Variants in PRRT1B observed in about 807,000 individuals in gnomAD.
The protein encoded by PRRT1B is proline rich transmembrane protein 1B.
chr9:131,555,375 T>A (rs1358854857), intron 2 of PRRT1B, among the ~76,000 whole-genome samples: 1 of 151,952 alleles, frequency 6.6e-6, no homozygotes, highest in East Asian at 1.9e-4. Context: ...TTGATTAGAT[T>A]TTCTTTAAAA....
At chr9:131,555,171 C>A in intron 2 of PRRT1B, 142 bp downstream of exon 2, 1 of 330,060 alleles carries the variant, frequency 3.0e-6, no homozygotes, top group Non-Finnish European at 5.3e-6. Context: ...GGCATTTGAG[C>A]GGGGTTTTGG....
At chr9:131,547,974 T>A (rs1950986814) in intron 1 of PRRT1B, among the ~76,000 whole-genome samples, 1 of 152,226 alleles carries the variant, frequency 6.6e-6, no homozygotes. Flanking sequence ...CCGTCTTCCC[T>A]TGGTGTTTAA....
At chr9:131,557,261 G>A (rs1951056677) in intron 3 of PRRT1B, among the ~76,000 whole-genome samples, 1 of 152,150 alleles carries the variant, frequency 6.6e-6, no homozygotes, top group African/African-American at 2.4e-5. Context: ...AAGCAGGGCT[G>A]GGCATGGTGG....
Position 131,551,004 on chromosome 9 carries a change from G to A in PRRT1B, c.26-3553G>A, listed in dbSNP as rs1342618870. ...GTTTCCCAGGCTGGAGTGCAGTGGC[G>A]CGATCTCGGCTCACTGCAAGCTCTG... On this transcript the variant is annotated intron_variant, in intron 1 of 3. Transcript: ENST00000636672. The surrounding 1 kb of genome is among the most constrained non-coding windows in gnomAD (Gnocchi z 4.4). Among the ~76,000 whole-genome samples, 6 of 140,738 alleles carry A rather than the reference G, an allele frequency of 4.3e-5. No homozygotes were observed. Among genetic ancestry groups the A allele is most frequent in the Admixed American group, 1.5e-4 (2 of 13,182 alleles). 92.3% of individuals were successfully genotyped at this position (140,738 alleles called of 152,430 possible).
chr9:131,547,097 A>G, intron 1 of PRRT1B, among the ~76,000 whole-genome samples: 1 of 103,958 alleles, frequency 9.6e-6, no homozygotes, highest in South Asian at 2.9e-4. Flanking sequence ...TTTGAGACTG[A>G]GTCTCGTTCT....
At chr9:131,555,306 G>A (rs1251779649) in intron 2 of PRRT1B, among the ~76,000 whole-genome samples, 1 of 152,168 alleles carries the variant, frequency 6.6e-6, no homozygotes, top group East Asian at 1.9e-4. Context: ...GCTTGGTAGG[G>A]AGGGCAGGAA....
At chr9:131,546,864 T>C (rs1294789691) in intron 1 of PRRT1B, among the ~76,000 whole-genome samples, 1 of 152,080 alleles carries the variant, frequency 6.6e-6, no homozygotes, top group African/African-American at 2.4e-5. Flanking sequence ...AACTGCGGTT[T>C]TTGTTATGAT....
intron 3 of PRRT1B, 123 bp downstream of exon 3, chr9:131,556,336 T>C: frequency 2.5e-6 from 1 of 396,616 alleles, no homozygotes; most frequent in Non-Finnish European, 4.4e-6. Flanking sequence ...TGGAGGGGGG[T>C]GGGAATTGGG....
chr9:131,557,741 G>A (rs1339980046), intron 3 of PRRT1B, among the ~76,000 whole-genome samples: 3 of 152,212 alleles, frequency 2.0e-5, no homozygotes, highest in African/African-American at 7.2e-5. Flanking sequence ...ACCCTGGATA[G>A]GTCACTTAAC....
intron 1 of PRRT1B, among the ~76,000 whole-genome samples, chr9:131,553,081 T>A (rs1951022491): frequency 1.3e-5 from 2 of 152,208 alleles, no homozygotes; most frequent in Non-Finnish European, 1.5e-5. Context: ...TCTAGACTTT[T>A]CAGTTGTCAT....
chr9:131,558,617 G>C (rs981521196), exon 4 of PRRT1B: 1 of 157,464 alleles, frequency 6.4e-6, no homozygotes. Flanking sequence ...TGCAACCTCC[G>C]CCCCCCGCCC....
At chr9:131,547,669 C>T (rs910631484) in intron 1 of PRRT1B, among the ~76,000 whole-genome samples, 2 of 152,176 alleles carry the variant, frequency 1.3e-5, no homozygotes, top group African/African-American at 4.8e-5. Context: ...GGAGATCAAT[C>T]CCCTGTCCTC....
chr9:131,556,108 G>T (rs920069087), exon 3 of PRRT1B: 1 of 400,946 alleles, frequency 2.5e-6, no homozygotes, highest in African/African-American at 2.1e-5. Flanking sequence ...GCCCTGCCAC[G>T]GTGGAGCACA....
chr9:131,547,102 CGTT>C (rs1950981795), intron 1 of PRRT1B, among the ~76,000 whole-genome samples: 1 of 119,498 alleles, frequency 8.4e-6, no homozygotes, highest in Non-Finnish European at 1.6e-5. Flanking sequence ...GACTGAGTCT[CGTT>C]CTATTGCCCA....
At chr9:131,558,745 G>A (rs1422668919), downstream of PRRT1B, 1 of 152,320 alleles carries the variant, frequency 6.6e-6, no homozygotes, top group Non-Finnish European at 1.5e-5. Context: ...CAGGAGACAG[G>A]GTCCCTCATG....
At chr9:131,557,344 G>C (rs181745076) in intron 3 of PRRT1B, among the ~76,000 whole-genome samples, 2 of 152,158 alleles carry the variant, frequency 1.3e-5, no homozygotes, top group Non-Finnish European at 2.9e-5. Flanking sequence ...TTCGAGATCA[G>C]CCTGACCAAT....
At chr9:131,553,135 T>G (rs1274972478) in intron 1 of PRRT1B, among the ~76,000 whole-genome samples, 2 of 152,178 alleles carry the variant, frequency 1.3e-5, no homozygotes, top group Non-Finnish European at 2.9e-5. Flanking sequence ...TAAATATGTA[T>G]AACATACGAT....
chr9:131,550,939 C>CTTTTT (rs546049217), intron 1 of PRRT1B, among the ~76,000 whole-genome samples: 29 of 75,874 alleles, frequency 3.8e-4, no homozygotes, highest in African/African-American at 8.3e-4. Flanking sequence ...TTTTCTTTTT[C>CTTTTT]TTTTTTTTTT....
exon 4 of PRRT1B, chr9:131,558,313 G>C (rs888109891): frequency 5.0e-6 from 2 of 399,208 alleles, no homozygotes; most frequent in Non-Finnish European, 8.8e-6. Context: ...CTTGCCTGCA[G>C]AGGGAATCTG....
Sources: allele counts gnomAD v4.1 joint callset (sites outside exome capture counted in the v4.1 genomes callset), GRCh38; gene constraint gnomAD v4.1.1; non-coding constraint Gnocchi (gnomAD v3.1); transcripts MANE v1.5; gene names NCBI Gene and HGNC (gene_info 2026-07-23, HGNC 2026-07-21).